The following LRMDA variants were observed in gnomAD, a reference collection of about 807,000 sequenced individuals.
LRMDA encodes the protein leucine-rich melanocyte differentiation-associated protein.
LRMDA carries 18 observed loss-of-function variants against 29.8 expected under a neutral mutation model. The observed-to-expected ratio is 0.60, with a 90% CI of 0.42 to 0.90. The LOEUF (loss-of-function observed/expected upper bound fraction) is 0.90, where lower values mean the gene tolerates loss of function less well. Ranked by LOEUF, LRMDA falls within the 40% of genes least tolerant of loss-of-function variation. The probability of loss-of-function intolerance (pLI) is 0.00; values close to 1 mark genes in which losing one functional copy is unlikely to be tolerated. For synonymous variants in LRMDA, 125 were observed against 109.4 expected (o/e 1.14, Z -0.89); for missense variants, 273 against 273.9 (o/e 1.00, Z 0.02).
At chr10:76,470,494 C>T (rs2132316349) in intron 6 of LRMDA, 1 of 151,980 alleles carries the variant, frequency 6.6e-6, no homozygotes, top group African/African-American at 2.4e-5. Flanking sequence ...TAGAAACAAC[C>T]CAAATGTCCA....
At chr10:75,445,697 C>T (rs372950075) in intron 2 of LRMDA, among the ~76,000 whole-genome samples, 13 of 152,360 alleles carry the variant, frequency 8.5e-5, no homozygotes, top group African/African-American at 3.1e-4. Flanking sequence ...TTCCCCTCCC[C>T]CAGGGGCCCT....
chr10:76,291,291 G>A (rs1158368341), intron 5 of LRMDA, among the ~76,000 whole-genome samples: 1 of 152,178 alleles, frequency 6.6e-6, no homozygotes, highest in African/African-American at 2.4e-5. Context: ...GATAATCAGA[G>A]TCACAATCAT....
chr10:76,190,879 T>A (rs1851232103), intron 5 of LRMDA, among the ~76,000 whole-genome samples: 1 of 152,210 alleles, frequency 6.6e-6, no homozygotes, highest in Non-Finnish European at 1.5e-5. Flanking sequence ...GGGCAGCTCT[T>A]ACAGGATGTC....
At chr10:75,460,082 T>C (rs928117021) in intron 2 of LRMDA, among the ~76,000 whole-genome samples, 2 of 152,240 alleles carry the variant, frequency 1.3e-5, no homozygotes, top group Non-Finnish European at 2.9e-5. Context: ...ATTATTCTTG[T>C]ATTTGGGTTT....
intron 2 of LRMDA, among the ~76,000 whole-genome samples, chr10:75,737,233 C>T (rs1842777045): frequency 6.6e-6 from 1 of 152,230 alleles, no homozygotes; most frequent in Admixed American, 6.5e-5. Context: ...TTCTTTGGTG[C>T]TTGGCTTTGT....
At chr10:76,426,094 T>C (rs1842122957) in intron 6 of LRMDA, among the ~76,000 whole-genome samples, 1 of 152,222 alleles carries the variant, frequency 6.6e-6, no homozygotes, top group African/African-American at 2.4e-5. Context: ...GCAGCATGAT[T>C]TATATTCCTT....
At chr10:76,535,411 A>T (rs1843279978) in intron 6 of LRMDA, among the ~76,000 whole-genome samples, 1 of 151,880 alleles carries the variant, frequency 6.6e-6, no homozygotes, top group Admixed American at 6.6e-5. Flanking sequence ...CTGTTTGCAG[A>T]AGATGCGTTG....
intron 2 of LRMDA, among the ~76,000 whole-genome samples, chr10:75,495,392 C>T (rs186790792): frequency 1.3e-5 from 2 of 151,534 alleles, no homozygotes; most frequent in African/African-American, 4.8e-5. Context: ...CTGCTTTTAT[C>T]GATATTAAGA....
rs1044381445 is a variant in LRMDA at position 76,113,723 on chromosome 10, G to A, written c.516+54940G>A. Among the ~76,000 whole-genome samples the A allele has an allele frequency of 3.9e-5, 6 of 152,214 alleles. No individual in the cohort carries two copies. In the South Asian group the frequency reaches 6.2e-4, roughly 16 times the overall value. ...CTGTCCCCAGCCTCCATTTGATGCC[G>A]CGTTTCTCTCCCAGCCACAAGTTCA... On this transcript the variant is annotated intron_variant, in intron 5 of 6. Coordinates refer to ENST00000611255, the MANE Select transcript of LRMDA (RefSeq NM_001305581.2).
intron 5 of LRMDA, among the ~76,000 whole-genome samples, chr10:76,295,551 C>T (rs971964352): frequency 3.9e-5 from 6 of 152,222 alleles, no homozygotes; most frequent in Non-Finnish European, 2.9e-5. Flanking sequence ...CTTTCATGGA[C>T]ACTGCTGCCG....
intron 6 of LRMDA, among the ~76,000 whole-genome samples, chr10:76,486,746 A>G (rs149248663): frequency 6.6e-6 from 1 of 152,012 alleles, no homozygotes; most frequent in African/African-American, 2.4e-5. Flanking sequence ...AACAGAGGCT[A>G]CTTTCCTAGT....
intron 5 of LRMDA, among the ~76,000 whole-genome samples, chr10:76,171,327 T>A (rs138191330): frequency 0.011 from 1,747 of 152,290 alleles, 18 homozygotes; most frequent in Non-Finnish European, 0.019. Context: ...TTAATAGAGA[T>A]GGGGTTTCAC....
intron 2 of LRMDA, among the ~76,000 whole-genome samples, chr10:75,706,792 C>T (rs924017453): frequency 1.4e-5 from 2 of 147,298 alleles, no homozygotes; most frequent in Non-Finnish European, 3.0e-5. Flanking sequence ...ATACCTGAGG[C>T]CATCCAGCTT....
At chr10:76,067,285 G>A (rs971044516) in intron 5 of LRMDA, among the ~76,000 whole-genome samples, 5 of 152,134 alleles carry the variant, frequency 3.3e-5, no homozygotes, top group African/African-American at 4.8e-5. Flanking sequence ...GTTGTCATTC[G>A]CATGATCACT....
intron 5 of LRMDA, among the ~76,000 whole-genome samples, chr10:76,117,197 G>A (rs1371646560): frequency 6.6e-6 from 1 of 152,182 alleles, no homozygotes; most frequent in Non-Finnish European, 1.5e-5. Context: ...GCTGCACTCA[G>A]TGTTATGATC....
chr10:76,088,601 C>A (rs1227742654), intron 5 of LRMDA, among the ~76,000 whole-genome samples: 1 of 152,156 alleles, frequency 6.6e-6, no homozygotes, highest in Non-Finnish European at 1.5e-5. Flanking sequence ...CTGTTGGGCA[C>A]CCAGCTTACT....
intron 2 of LRMDA, among the ~76,000 whole-genome samples, chr10:75,671,883 G>A (rs1841895487): frequency 1.3e-5 from 2 of 152,128 alleles, no homozygotes; most frequent in Admixed American, 6.5e-5. Context: ...TGTATTGCTT[G>A]TGCAATAAAG....
intron 5 of LRMDA, among the ~76,000 whole-genome samples, chr10:76,154,764 G>A (rs1850507599): frequency 6.6e-6 from 1 of 152,176 alleles, no homozygotes; most frequent in Admixed American, 6.5e-5. Context: ...CCTCTCTCAT[G>A]GCATGGTCCG....
chr10:75,661,572 T>A (rs1374306528), intron 2 of LRMDA, among the ~76,000 whole-genome samples: 2 of 152,208 alleles, frequency 1.3e-5, no homozygotes, highest in African/African-American at 4.8e-5. Context: ...CCTGGAGATG[T>A]GATAAGAGAG....
Sources: gnomAD v4.1 joint callset for allele counts (sites outside exome capture counted in the v4.1 genomes callset) on GRCh38, gnomAD v4.1.1 for gene constraint, MANE v1.5 for transcripts, NCBI Gene and HGNC (gene_info 2026-07-23, HGNC 2026-07-21) for gene names.